The following CNOT1 variants were observed in gnomAD, a reference collection of about 807,000 sequenced individuals.
CNOT1 encodes CCR4-NOT transcription complex subunit 1.
A neutral mutation model predicts 273.8 loss-of-function variants in CNOT1; 15 were observed. That is an observed-to-expected ratio of 0.05 (90% CI 0.04 to 0.08). The LOEUF (loss-of-function observed/expected upper bound fraction) is 0.08. Among genes scored for constraint, CNOT1 ranks in the 10% least tolerant of loss-of-function variants. CNOT1 has a pLI of 1.00. For missense variants in CNOT1, 1,644 were observed against 2,912.2 expected, an observed-to-expected ratio of 0.56 and a Z score of 10.02; for synonymous variants, 1,022 against 1,005.5, an observed-to-expected ratio of 1.02 and a Z score of -0.31.
At chr16:58,600,623 G>A (rs896389356) in intron 1 of CNOT1, among the ~76,000 whole-genome samples, 1 of 152,108 alleles carries the variant, frequency 6.6e-6, no homozygotes, top group Non-Finnish European at 1.5e-5. Flanking sequence ...TATGTTTTAG[G>A]TATTTGAATG....
At position 58,537,047 on chromosome 16, in the gene CNOT1, T is replaced by C; in HGVS notation, c.5588A>G (p.Tyr1863Cys). ...EYLLREWVNL[Y>C]HSAAAGRDST... Reference sequence around the variant, plus strand: ...GTCGCGGCCAGCTGCTGCTGAATGGTAGAGATTCACCCATTCCCTCAGAAG... The same window carrying C: ...GTCGCGGCCAGCTGCTGCTGAATGGCAGAGATTCACCCATTCCCTCAGAAG... The change falls in exon 39 of 49, where the codon TAC becomes TGC. Residue 1863 changes from tyrosine to cysteine, a missense_variant. Coordinates refer to ENST00000317147, the MANE Select transcript of CNOT1 (RefSeq NM_016284.5). The C allele has an allele frequency of 6.2e-7, 1 of 1,614,088 alleles. No homozygotes were observed. Among genetic ancestry groups the C allele is most frequent in the South Asian group, 1.1e-5 (1 of 91,080 alleles).
chr16:58,521,333 AAG>A lies in CNOT1; in HGVS notation c.6918-18_6918-17del. The A allele has an allele frequency of 3.1e-6, 5 of 1,594,022 alleles. No homozygotes were observed. The highest frequency in any genetic ancestry group is 1.4e-5 in the African/African-American group (1 of 73,526). On this transcript the variant is annotated splice_polypyrimidine_tract_variant and intron_variant, in intron 47 of 48. Transcript: ENST00000317147. ...CAAGAGAACTCTGGAAAAAGGGAGA[AAG>A]AGCTAGTTAATGTATAGAAGCATAC...
At chr16:58,587,133 G>A in intron 6 of CNOT1, 68 bp downstream of exon 6, 1 of 1,551,586 alleles carries the variant, frequency 6.4e-7, no homozygotes, top group East Asian at 2.2e-5. Flanking sequence ...AAATCACAGA[G>A]CCTCATGATT....
chr16:58,588,547 C>T (rs2041950882), intron 3 of CNOT1, among the ~76,000 whole-genome samples: 1 of 152,106 alleles, frequency 6.6e-6, no homozygotes, highest in South Asian at 2.1e-4. Flanking sequence ...AGGCAGGGAA[C>T]CCTCACATTC....
At position 58,580,678 on chromosome 16, in the gene CNOT1, A is replaced by G. The variant is rs2151973666; in HGVS notation, c.1298T>C (p.Ile433Thr). 2 of 1,613,534 alleles carry G rather than the reference A, an allele frequency of 1.2e-6. No homozygotes were observed. The highest frequency in any genetic ancestry group is 1.7e-5 in the Admixed American group (1 of 59,934). The change falls in exon 12 of 49, where the codon ATT becomes ACT. Residue 433 changes from isoleucine to threonine, a missense_variant. Coordinates refer to ENST00000317147, the MANE Select transcript of CNOT1 (RefSeq NM_016284.5). Reference protein sequence around the residue: ...DYPCHTVATDILKAPPEDDNR... With the variant: ...DYPCHTVATDTLKAPPEDDNR... ...GTCATCCTCTGGTGGTGCTTTCAGA[A>G]TATCAGTGGCAACAGTATGACAGGG...
Position 58,555,267 on chromosome 16 carries a change from C to T in CNOT1, c.2875G>A (p.Asp959Asn). 4 of 1,614,076 alleles carry T rather than the reference C, an allele frequency of 2.5e-6. No individual in the cohort carries two copies. Among genetic ancestry groups the T allele is most frequent in the Non-Finnish European group, 3.4e-6 (4 of 1,180,006 alleles). Reference sequence around the variant, plus strand: ...TCCACTTACCTGTTTTTAAATCTATCTAGTGCAGCAATCCCGAAATAATAC... The same window carrying T: ...TCCACTTACCTGTTTTTAAATCTATTTAGTGCAGCAATCCCGAAATAATAC... Reference protein sequence around the residue: ...KMYYFGIAALDRFKNRLKDYP... With the variant: ...KMYYFGIAALNRFKNRLKDYP... The change falls in exon 21 of 49, where the codon GAT becomes AAT. Residue 959 changes from aspartate (D) to asparagine (N), a missense_variant. Asp to Asn is a conservative substitution (Grantham distance 23). This residue lies in a region of CNOT1 where 74 missense variants were observed against 184.6 expected (regional missense o/e 0.40). Transcript: ENST00000317147.
intron 16 of CNOT1, among the ~76,000 whole-genome samples, chr16:58,574,229 T>C (rs749740362): frequency 4.0e-5 from 6 of 151,878 alleles, no homozygotes; most frequent in Admixed American, 6.6e-5. Flanking sequence ...TAAGCTATGA[T>C]TGCACCACTG....
chr16:58,541,326 A>T (rs2040090333), intron 34 of CNOT1, among the ~76,000 whole-genome samples, 175 bp downstream of exon 34: 1 of 152,222 alleles, frequency 6.6e-6, no homozygotes, highest in African/African-American at 2.4e-5. Flanking sequence ...ATTTTTCTTT[A>T]ATCCCCTGTA....
chr16:58,539,297 C>T (rs757546287), intron 35 of CNOT1, among the ~76,000 whole-genome samples: 1 of 151,920 alleles, frequency 6.6e-6, no homozygotes, highest in Non-Finnish European at 1.5e-5. Context: ...AGATTGAGAA[C>T]GACCTGGACA....
rs1396553258 is a variant in CNOT1 at position 58,599,261 on chromosome 16, C to T, written c.77G>A (p.Arg26Gln). Residue 26 changes from arginine (R) to glutamine (Q), a missense_variant, in exon 2 of 49, where the codon CGA becomes CAA. Transcript: ENST00000317147. ...ATGCTGTATTTCCTGCTGGCTGGCT[C>T]GGTAATTTTTCTTGGTTAAATTGTC... ...LVDNLTKKNY[R>Q]ASQQEIQHIV... 2.5e-6 allele frequency: 4 copies of T among 1,613,964 alleles called. No individual in the cohort carries two copies. The highest frequency in any genetic ancestry group is 2.2e-5 in the East Asian group (1 of 44,898).
chr16:58,579,147 T>TA (rs1354727907), intron 12 of CNOT1, among the ~76,000 whole-genome samples: 1 of 152,198 alleles, frequency 6.6e-6, no homozygotes, highest in Non-Finnish European at 1.5e-5. Context: ...CCTGAAGATC[T>TA]AACTCTATCC....
At chr16:58,540,122 GAATT>G in intron 34 of CNOT1, 163 bp from the exon 35 acceptor site, 3 of 656,378 alleles carry the variant, frequency 4.6e-6, no homozygotes, top group Non-Finnish European at 7.4e-6. Context: ...GAGCTATTCA[GAATT>G]AATACCATCA....
At chr16:58,571,905 G>A (rs2041287514) in intron 16 of CNOT1, among the ~76,000 whole-genome samples, 2 of 152,126 alleles carry the variant, frequency 1.3e-5, no homozygotes, top group Non-Finnish European at 2.9e-5. Context: ...GGAGGCGGAG[G>A]TTGCTGTGAA....
intron 1 of CNOT1, among the ~76,000 whole-genome samples, chr16:58,622,781 A>T (rs2043400068): frequency 6.6e-6 from 1 of 151,096 alleles, no homozygotes; most frequent in South Asian, 2.1e-4. Flanking sequence ...CTGGAGGCAG[A>T]GGTTGCAGTG....
At chr16:58,592,556 T>C (rs1224725371) in intron 2 of CNOT1, among the ~76,000 whole-genome samples, 2 of 152,094 alleles carry the variant, frequency 1.3e-5, no homozygotes, top group Non-Finnish European at 2.9e-5. Flanking sequence ...GCCACTGCAT[T>C]CCAGGCTGGT....
chr16:58,594,193 G>A (rs1289898320), intron 2 of CNOT1, among the ~76,000 whole-genome samples: 1 of 152,022 alleles, frequency 6.6e-6, no homozygotes, highest in African/African-American at 2.4e-5. Context: ...GCAGTGAGTG[G>A]AGATCATGCC....
In CNOT1 at chr16:58,532,085, G is replaced by A. The variant is rs1275114319; in HGVS notation, c.6060-10C>T. On this transcript the variant is annotated splice_polypyrimidine_tract_variant and intron_variant, in intron 41 of 48. Coordinates refer to ENST00000317147, the MANE Select transcript of CNOT1 (RefSeq NM_016284.5). ...GATGTGGAATGTATTGCTGAAAGAA[G>A]AAAAACCTTAGTCAGAAGCACAGTC... 4 of 1,613,680 alleles carry A rather than the reference G, an allele frequency of 2.5e-6. No homozygotes were observed. Among genetic ancestry groups the A allele is most frequent in the Non-Finnish European group, 1.7e-6 (2 of 1,179,944 alleles).
At position 58,582,286 on chromosome 16, in the gene CNOT1, C is replaced by T. The variant is rs903723348; in HGVS notation, c.1044+507G>A. On this transcript the variant is annotated intron_variant, in intron 10 of 48. Transcript: ENST00000317147. The stretch of plus-strand genomic sequence containing the variant: ...CAGCCTGGCCAACAGAGTGAGACTC[C>T]GTCTAAAAAAAACAAACAAAAACAA... 6.8e-4 allele frequency among the ~76,000 whole-genome samples: 104 copies of T among 151,854 alleles called. 3 individuals carry two copies. The highest frequency in any genetic ancestry group is 1.5e-5 in the Non-Finnish European group (1 of 67,990).
chr16:58,530,474 G>A (rs1029903235), intron 42 of CNOT1, 127 bp from the exon 43 acceptor site: 1 of 587,910 alleles, frequency 1.7e-6, no homozygotes, highest in Non-Finnish European at 2.8e-6. Context: ...CTAATGTTAA[G>A]TACTTTTACA....
Sources: allele counts gnomAD v4.1 joint callset (sites outside exome capture counted in the v4.1 genomes callset), GRCh38; gene constraint gnomAD v4.1.1; regional missense constraint gnomAD v4.1.1; transcripts MANE v1.5; gene names NCBI Gene and HGNC (gene_info 2026-07-23, HGNC 2026-07-21).